Variants in DOCK3 observed in about 807,000 individuals in gnomAD.
DOCK3 encodes dedicator of cytokinesis 3, also known as dedicator of cytokinesis protein 3.
In DOCK3, 60 loss-of-function variants were observed where a neutral mutation model predicts 265.6. That is an observed-to-expected ratio of 0.23 (90% CI 0.18 to 0.28). DOCK3 has a LOEUF of 0.28. DOCK3 is among the 10% of genes least tolerant of loss of function. DOCK3 has a pLI of 1.00. For missense variants in DOCK3, 1,981 were observed against 2,594.3 expected, an observed-to-expected ratio of 0.76 and a Z score of 5.14; for synonymous variants, 881 against 938.0, an observed-to-expected ratio of 0.94 and a Z score of 1.11.
At chr3:51,310,733 A>T (rs2083022647) in intron 28 of DOCK3, among the ~76,000 whole-genome samples, 1 of 152,164 alleles carries the variant, frequency 6.6e-6, no homozygotes, top group Admixed American at 6.5e-5. Flanking sequence ...ACCACTTCTG[A>T]TTACTGACAT....
intron 10 of DOCK3, among the ~76,000 whole-genome samples, chr3:51,152,022 C>T (rs2085624687): frequency 6.6e-6 from 1 of 152,024 alleles, no homozygotes; most frequent in Admixed American, 6.6e-5. Flanking sequence ...TCTGTATTTC[C>T]TGAATTTGAA....
At chr3:50,856,285 ATT>A (rs2046592137) in intron 3 of DOCK3, among the ~76,000 whole-genome samples, 1 of 152,180 alleles carries the variant, frequency 6.6e-6, no homozygotes, top group Non-Finnish European at 1.5e-5. Flanking sequence ...GGTTGAACTA[ATT>A]TACACTCCCA....
chr3:51,291,391 G>A (rs2081764013), intron 27 of DOCK3, among the ~76,000 whole-genome samples: 1 of 152,074 alleles, frequency 6.6e-6, no homozygotes, highest in Non-Finnish European at 1.5e-5. Flanking sequence ...CAAAACAGAA[G>A]AGTCAAGTCA....
intron 1 of DOCK3, among the ~76,000 whole-genome samples, chr3:50,699,806 A>G (rs191991982): frequency 5.3e-5 from 8 of 152,290 alleles, no homozygotes; most frequent in Admixed American, 3.9e-4. Context: ...AAAGTCTACT[A>G]CTGAAGCTGA....
At chr3:51,353,329 A>G (rs2086130726) in intron 40 of DOCK3, among the ~76,000 whole-genome samples, 1 of 152,144 alleles carries the variant, frequency 6.6e-6, no homozygotes, top group Non-Finnish European at 1.5e-5. Context: ...CACATGGCCC[A>G]GTCTGGGTGC....
intron 50 of DOCK3, 129 bp from the exon 51 acceptor site, chr3:51,375,619 T>G: frequency 4.8e-5 from 48 of 1,004,906 alleles, no homozygotes; most frequent in Non-Finnish European, 6.7e-5. Context: ...ATCTCAAGTG[T>G]GAGCTGTGCC....
At chr3:50,752,722 G>A (rs1412012463) in intron 1 of DOCK3, among the ~76,000 whole-genome samples, 1 of 152,088 alleles carries the variant, frequency 6.6e-6, no homozygotes, top group Non-Finnish European at 1.5e-5. Context: ...AGGTTGCACA[G>A]AGCCGAGATC....
intron 9 of DOCK3, among the ~76,000 whole-genome samples, chr3:51,091,499 T>C (rs2082634378): frequency 6.6e-6 from 1 of 151,868 alleles, no homozygotes; most frequent in South Asian, 2.1e-4. Context: ...CTGACCAACA[T>C]AGTGAAACCC....
intron 3 of DOCK3, among the ~76,000 whole-genome samples, chr3:50,872,772 C>T (rs907926705): frequency 2.6e-4 from 39 of 152,328 alleles, no homozygotes; most frequent in African/African-American, 9.4e-4. Flanking sequence ...CCTTCCCCTT[C>T]TTTCCTCCCC....
At chr3:50,903,828 A>G (rs1432754313) in intron 4 of DOCK3, among the ~76,000 whole-genome samples, 1 of 151,808 alleles carries the variant, frequency 6.6e-6, no homozygotes, top group African/African-American at 2.4e-5. Flanking sequence ...GGTTTGATAC[A>G]TATTTATATA....
chr3:51,132,213 T>A (rs1438331984), intron 9 of DOCK3, among the ~76,000 whole-genome samples: 1 of 152,156 alleles, frequency 6.6e-6, no homozygotes, highest in Non-Finnish European at 1.5e-5. Flanking sequence ...TGGGCCCAAA[T>A]CAATAAATTC....
chr3:51,278,307 A>G (rs768013422), intron 26 of DOCK3: 186 of 985,300 alleles, frequency 1.9e-4, no homozygotes, highest in Non-Finnish European at 2.1e-4. Flanking sequence ...CAAACTGGGA[A>G]GGCTTCTCAG....
intron 3 of DOCK3, among the ~76,000 whole-genome samples, chr3:50,861,096 A>G (rs937439161): frequency 6.6e-6 from 1 of 152,092 alleles, no homozygotes; most frequent in African/African-American, 2.4e-5. Context: ...TGGGAGAAGC[A>G]TGGTTTTCCA....
At chr3:51,080,675 A>G (rs1350937939) in intron 7 of DOCK3, among the ~76,000 whole-genome samples, 1 of 152,232 alleles carries the variant, frequency 6.6e-6, no homozygotes, top group Admixed American at 6.5e-5. Context: ...TCATACTGAA[A>G]TTAGCTGCTT....
intron 5 of DOCK3, among the ~76,000 whole-genome samples, chr3:51,054,122 A>T (rs571447799): frequency 0.085 from 334 of 3,914 alleles, 1 homozygote; most frequent in African/African-American, 0.21. Flanking sequence ...GTAGCTTCCT[A>T]AAAAAAAAAA....
At chr3:51,146,071 C>T (rs972354487) in intron 9 of DOCK3, among the ~76,000 whole-genome samples, 7 of 152,122 alleles carry the variant, frequency 4.6e-5, no homozygotes, top group African/African-American at 1.4e-4. Flanking sequence ...GCCACAGGCC[C>T]GTAGCAGTCT....
chr3:50,943,748 ATT>A (rs1460088195), intron 5 of DOCK3, among the ~76,000 whole-genome samples: 1 of 152,142 alleles, frequency 6.6e-6, no homozygotes, highest in Non-Finnish European at 1.5e-5. Context: ...ATACTACTTA[ATT>A]TGCTACGTTT....
At chr3:51,215,235 G>A (rs1181900992) in intron 14 of DOCK3, among the ~76,000 whole-genome samples, 1 of 152,082 alleles carries the variant, frequency 6.6e-6, no homozygotes, top group Non-Finnish European at 1.5e-5. Flanking sequence ...AGCCTCCCGA[G>A]TAGCTGCGAC....
At chr3:50,948,126 G>A (rs191284059) in intron 5 of DOCK3, among the ~76,000 whole-genome samples, 182 of 148,726 alleles carry the variant, frequency 1.2e-3, no homozygotes, top group African/African-American at 3.4e-3. Context: ...GCGCGATCTC[G>A]GCTCACTGCA....
Sources: allele counts gnomAD v4.1 joint callset (sites outside exome capture counted in the v4.1 genomes callset), GRCh38; gene constraint gnomAD v4.1.1; transcripts MANE v1.5; gene names NCBI Gene and HGNC (gene_info 2026-07-23, HGNC 2026-07-21).